Variants in CFAP299 observed in about 807,000 individuals in gnomAD.
CFAP299 encodes cilia and flagella associated protein 299.
In CFAP299, 21 loss-of-function variants were observed where a neutral mutation model predicts 27.0. The ratio of observed to expected loss-of-function variants is 0.78; its 90% CI spans 0.55 to 1.12. The LOEUF (loss-of-function observed/expected upper bound fraction) is 1.12, where lower values mean the gene tolerates loss of function less well. Among genes scored for constraint, CFAP299 ranks in the 50% most tolerant of loss-of-function variants. The pLI, the probability that CFAP299 is intolerant of heterozygous loss-of-function variation, is 0.00. For missense variants in CFAP299, 310 were observed against 276.6 expected (o/e 1.12, Z -0.86); for synonymous variants, 104 against 98.1 (o/e 1.06, Z -0.36).
intron 3 of CFAP299, among the ~76,000 whole-genome samples, chr4:80,835,838 T>G (rs1399453359): frequency 6.6e-6 from 1 of 152,232 alleles, no homozygotes; most frequent in East Asian, 1.9e-4. Flanking sequence ...AGGGAGCAAG[T>G]GCACTAGCCT....
chr4:80,643,462 TG>T (rs1377418690), intron 3 of CFAP299, among the ~76,000 whole-genome samples: 2 of 152,198 alleles, frequency 1.3e-5, no homozygotes, highest in Non-Finnish European at 2.9e-5. Flanking sequence ...AATGGGATTT[TG>T]TTTTGAAGTG....
chr4:80,486,825 A>T (rs545848594), intron 2 of CFAP299, among the ~76,000 whole-genome samples: 1 of 152,324 alleles, frequency 6.6e-6, no homozygotes, highest in East Asian at 1.9e-4. Flanking sequence ...CAGATCCGTT[A>T]AAAAGCCCAC....
At chr4:80,429,607 T>A (rs1021437021) in intron 2 of CFAP299, among the ~76,000 whole-genome samples, 4 of 152,136 alleles carry the variant, frequency 2.6e-5, no homozygotes, top group Non-Finnish European at 5.9e-5. Flanking sequence ...CTGAGCTTGG[T>A]TATTATAGCA....
chr4:80,639,102 G>A (rs1231441544), intron 3 of CFAP299, among the ~76,000 whole-genome samples: 4 of 151,978 alleles, frequency 2.6e-5, no homozygotes, highest in Non-Finnish European at 4.4e-5. Context: ...ACCTCCCAAA[G>A]GCCTCATCTC....
intron 3 of CFAP299, among the ~76,000 whole-genome samples, chr4:80,800,085 AATAT>A (rs890890322): frequency 1.6e-4 from 11 of 67,792 alleles, no homozygotes; most frequent in Non-Finnish European, 2.7e-4. Flanking sequence ...ATAAAATATA[AATAT>A]ATATAATATA....
chr4:80,494,790 GTATT>G (rs1183761387), intron 2 of CFAP299, among the ~76,000 whole-genome samples: 3 of 152,086 alleles, frequency 2.0e-5, no homozygotes, highest in Non-Finnish European at 4.4e-5. Flanking sequence ...TAAATATTGA[GTATT>G]TATTCTGATA....
intron 4 of CFAP299, among the ~76,000 whole-genome samples, chr4:80,926,388 G>C (rs1003280912): frequency 6.6e-6 from 1 of 151,970 alleles, no homozygotes; most frequent in African/African-American, 2.4e-5. Context: ...GCAAGAGGAT[G>C]ATGGATGAGA....
intron 1 of CFAP299, among the ~76,000 whole-genome samples, chr4:80,354,391 G>T (rs1303870439): frequency 6.6e-6 from 1 of 152,134 alleles, no homozygotes; most frequent in African/African-American, 2.4e-5. Flanking sequence ...GGTCATGAGA[G>T]ATTTTACACA....
At chr4:80,848,493 CAT>C (rs1214202413) in intron 3 of CFAP299, among the ~76,000 whole-genome samples, 1 of 152,018 alleles carries the variant, frequency 6.6e-6, no homozygotes, top group Admixed American at 6.6e-5. Flanking sequence ...TGTATCTAAA[CAT>C]AGAAAAGGCA....
chr4:80,683,521 C>A (rs555780944), intron 3 of CFAP299, among the ~76,000 whole-genome samples: 1 of 152,236 alleles, frequency 6.6e-6, no homozygotes, highest in South Asian at 2.1e-4. Flanking sequence ...CTTTCACTAA[C>A]CTATTATGGA....
At chr4:80,362,995 C>A in intron 2 of CFAP299, 111 bp downstream of exon 2, 2 of 1,217,664 alleles carry the variant, frequency 1.6e-6, no homozygotes, top group South Asian at 1.9e-5. Context: ...GCAGGTAAAA[C>A]TTGGAATATC....
At chr4:80,358,963 T>C (rs1401933167) in intron 1 of CFAP299, among the ~76,000 whole-genome samples, 1 of 152,216 alleles carries the variant, frequency 6.6e-6, no homozygotes, top group Non-Finnish European at 1.5e-5. Context: ...GTAATGGTCT[T>C]TCCTTTCCAT....
At chr4:80,334,666 C>A (rs1367786909), upstream of CFAP299, among the ~76,000 whole-genome samples, 1 of 152,106 alleles carries the variant, frequency 6.6e-6, no homozygotes, top group African/African-American at 2.4e-5. Flanking sequence ...CCCAAAATAT[C>A]TTTAAAAACA....
At chr4:80,791,638 G>T (rs1430568008) in intron 3 of CFAP299, among the ~76,000 whole-genome samples, 1 of 151,966 alleles carries the variant, frequency 6.6e-6, no homozygotes, top group Non-Finnish European at 1.5e-5. Flanking sequence ...AATTCATACT[G>T]CTTTAACATG....
chr4:80,576,604 G>T (rs181070578), intron 2 of CFAP299, among the ~76,000 whole-genome samples: 7 of 152,136 alleles, frequency 4.6e-5, no homozygotes, highest in Admixed American at 4.6e-4. Context: ...GTGGGAAATA[G>T]AACTGTTTCT....
At chr4:80,327,549 A>C in the CFAP299 span, among the ~76,000 whole-genome samples, 3 of 151,686 alleles carry the variant, frequency 2.0e-5, no homozygotes, top group Non-Finnish European at 2.9e-5. Flanking sequence ...GAAGGCAGCA[A>C]AAGGGAAAGT....
intron 3 of CFAP299, among the ~76,000 whole-genome samples, chr4:80,857,802 G>A (rs1732018570): frequency 6.6e-6 from 1 of 152,156 alleles, no homozygotes; most frequent in African/African-American, 2.4e-5. Context: ...GCTGGATTTG[G>A]TTTGGCAGTA....
intron 3 of CFAP299, among the ~76,000 whole-genome samples, chr4:80,821,741 G>C (rs1251137368): frequency 6.6e-6 from 1 of 152,048 alleles, no homozygotes; most frequent in Non-Finnish European, 1.5e-5. Flanking sequence ...TGGCCGGCTG[G>C]GCCTCCCTGT....
intron 3 of CFAP299, among the ~76,000 whole-genome samples, chr4:80,599,639 AT>A (rs1560648081): frequency 6.6e-6 from 1 of 152,112 alleles, no homozygotes; most frequent in Non-Finnish European, 1.5e-5. Context: ...CATATTAACA[AT>A]GAGTACAAAT....
Sources: gnomAD v4.1 joint callset for allele counts (sites outside exome capture counted in the v4.1 genomes callset) on GRCh38, gnomAD v4.1.1 for gene constraint, MANE v1.5 for transcripts, NCBI Gene and HGNC (gene_info 2026-07-23, HGNC 2026-07-21) for gene names.